The following CLEC4F variants were observed in gnomAD, a reference collection of about 807,000 sequenced individuals.
CLEC4F encodes C-type lectin domain family 4 member F, also known as C-type (calcium dependent, carbohydrate-recognition domain) lectin, superfamily member 13.
In CLEC4F, 45 loss-of-function variants were observed where a neutral mutation model predicts 53.4. The ratio of observed to expected loss-of-function variants is 0.84; its 90% confidence interval spans 0.66 to 1.08. The LOEUF (loss-of-function observed/expected upper bound fraction) is 1.08, where lower values mean the gene tolerates loss of function less well. Ranked by LOEUF, CLEC4F falls within the 50% of genes least tolerant of loss-of-function variation. CLEC4F has a pLI of 0.00. For missense variants in CLEC4F, 753 were observed against 698.2 expected, an observed-to-expected ratio of 1.08 and a Z score of -0.88; for synonymous variants, 245 against 257.5, an observed-to-expected ratio of 0.95 and a Z score of 0.46.
upstream of CLEC4F, among the ~76,000 whole-genome samples, chr2:70,823,123 G>T (rs1440755555): frequency 1.2e-5 from 1 of 84,502 alleles, no homozygotes; most frequent in Non-Finnish European, 3.1e-5. Flanking sequence ...GTGTGTGTTT[G>T]TGTGTGTGTG....
intron 4 of CLEC4F, among the ~76,000 whole-genome samples, chr2:70,814,120 G>C (rs1676765395): frequency 6.6e-6 from 1 of 152,190 alleles, no homozygotes; most frequent in Non-Finnish European, 1.5e-5. Context: ...CAAGCTACTT[G>C]GTATTCTTGG....
Position 70,816,722 on chromosome 2 carries a change from T to C in CLEC4F, c.659A>G (p.Glu220Gly), listed in dbSNP as rs1259218877. ...IELHVLSRGLENANSEIQMLN... is the reference protein window; with the variant it reads ...IELHVLSRGLGNANSEIQMLN... ...CATCTGAATTTCAGAGTTTGCATTT[T>C]CTAAGCCTCTGCTTAGCACGTGGAG... The change falls in exon 4 of 7, where the codon GAA (glutamate) becomes GGA (glycine). Residue 220 changes from glutamate (E) to glycine (G), a missense_variant. By Grantham distance (98) the Glu-to-Gly change is moderately conservative (BLOSUM62 -2). Coordinates refer to ENST00000272367, the MANE Select transcript of CLEC4F (RefSeq NM_173535.3). The C allele has an allele frequency of 1.2e-6, 2 of 1,614,182 alleles. No homozygotes were observed. Among genetic ancestry groups the C allele is most frequent in the South Asian group, 1.1e-5 (1 of 91,074 alleles).
At chr2:70,822,969 C>T (rs1574388196), upstream of CLEC4F, among the ~76,000 whole-genome samples, 1 of 152,216 alleles carries the variant, frequency 6.6e-6, no homozygotes, top group South Asian at 2.1e-4. Flanking sequence ...CCTCTGAGGC[C>T]GGGCCAGGAG....
intron 5 of CLEC4F, among the ~76,000 whole-genome samples, chr2:70,812,178 C>T (rs782690287): frequency 2.6e-5 from 4 of 152,186 alleles, no homozygotes; most frequent in Non-Finnish European, 4.4e-5. Flanking sequence ...AAGGGCATCA[C>T]CTGATGCCAC....
Position 70,816,415 on chromosome 2 carries a change from A to G in CLEC4F, c.966T>C (p.Gly322=), listed in dbSNP as rs757157883. The stretch of plus-strand genomic sequence containing the variant: ...TTTCATCACCAGCTCTTTCCAAATG[A>G]CCTCTTAAGAACTGGATCTCAGCAC... ...NTSAEIQFLR[G]HLERAGDEIH... Residue 322 remains glycine (G), a synonymous_variant, in exon 4 of 7, where the codon GGT becomes GGC. Transcript: ENST00000272367. 6.2e-7 allele frequency: 1 copy of G among 1,613,778 alleles called. No individual in the cohort carries two copies. Among genetic ancestry groups the G allele is most frequent in the East Asian group, 2.2e-5 (1 of 44,876 alleles).
intron 4 of CLEC4F, 49 bp from the exon 5 acceptor site, chr2:70,812,647 G>A (rs782726900): frequency 6.3e-7 from 1 of 1,598,976 alleles, no homozygotes; most frequent in Non-Finnish European, 8.5e-7. Context: ...GCTGGTAGGA[G>A]TCCCAGAAGG....
chr2:70,810,796 C>G (rs1553394048), intron 5 of CLEC4F: 8 of 510,932 alleles, frequency 1.6e-5, no homozygotes. Flanking sequence ...ATTTGATTCC[C>G]TTCATGCTTC....
upstream of CLEC4F, among the ~76,000 whole-genome samples, chr2:70,824,622 C>CAAAAAAAAAAA (rs1180721472): frequency 2.1e-4 from 8 of 38,768 alleles, no homozygotes; most frequent in Non-Finnish European, 2.3e-4. Context: ...GCTTAGTTAC[C>CAAAAAAAAAAA]AAAAAAAAAA....
chr2:70,814,401 T>A lies in CLEC4F; in HGVS notation c.1387+1593A>T, dbSNP rs557333617. ...GTAAGAGATGGGTATAAATCAGGGG[T>A]TCGAAAAGTGTGGTCCCAGACCATC... On this transcript the variant is annotated intron_variant, in intron 4 of 6. Coordinates refer to ENST00000272367, the MANE Select transcript of CLEC4F (RefSeq NM_173535.3). 1.4e-4 allele frequency among the ~76,000 whole-genome samples: 22 copies of A among 152,060 alleles called. No individual in the cohort carries two copies. In the South Asian group the frequency reaches 3.3e-3, roughly 23 times the overall value.
intron 4 of CLEC4F, among the ~76,000 whole-genome samples, chr2:70,812,950 T>C (rs1209755990): frequency 6.6e-6 from 1 of 152,208 alleles, no homozygotes; most frequent in African/African-American, 2.4e-5. Flanking sequence ...ATTTTACAGG[T>C]ATCCCATAGC....
chr2:70,815,827 T>A (rs1676866218), intron 4 of CLEC4F, among the ~76,000 whole-genome samples, 167 bp downstream of exon 4: 2 of 152,174 alleles, frequency 1.3e-5, no homozygotes, highest in African/African-American at 2.4e-5. Context: ...GAGCAGGAAC[T>A]TCCCACCTCA....
intron 3 of CLEC4F, 115 bp from the exon 4 acceptor site, chr2:70,817,227 T>A: frequency 8.9e-7 from 1 of 1,126,584 alleles, no homozygotes; most frequent in Non-Finnish European, 1.2e-6. Flanking sequence ...TGCACAGCCC[T>A]CAGTGCTCCC....
upstream of CLEC4F, among the ~76,000 whole-genome samples, chr2:70,822,887 T>C (rs1553398305): frequency 1.3e-5 from 2 of 152,210 alleles, no homozygotes; most frequent in African/African-American, 2.4e-5. Context: ...CAGCCTCTTA[T>C]AGGTCCCCAG....
chr2:70,809,474 A>AG, intron 6 of CLEC4F, 92 bp from the exon 7 acceptor site: 1 of 1,395,766 alleles, frequency 7.2e-7, no homozygotes, highest in African/African-American at 1.4e-5. Flanking sequence ...CCCTCTGTGG[A>AG]GGAGTCCAGG....
upstream of CLEC4F, among the ~76,000 whole-genome samples, chr2:70,823,234 G>A (rs1677271034): frequency 6.6e-6 from 1 of 152,172 alleles, no homozygotes; most frequent in Non-Finnish European, 1.5e-5. Flanking sequence ...TGACCTTAGA[G>A]AGGAGGGCAC....
At chr2:70,823,100 T>C (rs10204090), upstream of CLEC4F, among the ~76,000 whole-genome samples, 29,895 of 151,400 alleles carry the variant, frequency 0.2, 3,671 homozygotes, top group Middle Eastern at 0.3. Flanking sequence ...ACCCAGTTCA[T>C]GATGGTGGGG....
At chr2:70,810,738 A>G in intron 5 of CLEC4F, 5 of 438,154 alleles carry the variant, frequency 1.1e-5, no homozygotes, top group South Asian at 1.0e-4. Context: ...CTAAAATGAT[A>G]TATACAGTAC....
intron 4 of CLEC4F, 74 bp downstream of exon 4, chr2:70,815,920 G>A (rs531285301): frequency 4.1e-6 from 6 of 1,453,602 alleles, no homozygotes; most frequent in Non-Finnish European, 5.6e-6. Context: ...TAAAAAAGAG[G>A]CTGATGAGAT....
chr2:70,815,961 C>T (rs782570706), intron 4 of CLEC4F, 33 bp downstream of exon 4: 18 of 1,587,632 alleles, frequency 1.1e-5, no homozygotes, highest in African/African-American at 2.7e-5. Flanking sequence ...GAGACTGTGC[C>T]CTCCCCAAAC....
Sources: gnomAD v4.1 joint callset for allele counts (sites outside exome capture counted in the v4.1 genomes callset) on GRCh38, gnomAD v4.1.1 for gene constraint, MANE v1.5 for transcripts, NCBI Gene and HGNC (gene_info 2026-07-23, HGNC 2026-07-21) for gene names.